The following TANK variants were observed in gnomAD, a reference collection of about 807,000 sequenced individuals.
TANK encodes TRAF family member associated NFKB activator, also known as TRAF family member-associated NF-kappa-B activator.
In TANK, 15 loss-of-function variants were observed where a neutral mutation model predicts 43.6. The observed-to-expected ratio is 0.34, with a 90% CI of 0.23 to 0.53. TANK has a LOEUF of 0.53. Ranked by LOEUF, TANK falls within the 20% of genes least tolerant of loss-of-function variation. The pLI, the probability that TANK is intolerant of heterozygous loss-of-function variation, is 0.94. For missense variants in TANK, 417 were observed against 498.6 expected (o/e 0.84, Z 1.56); for synonymous variants, 162 against 178.2 (o/e 0.91, Z 0.73).
At chr2:161,183,141 A>G (rs1685505416) in intron 2 of TANK, among the ~76,000 whole-genome samples, 2 of 152,206 alleles carry the variant, frequency 1.3e-5, no homozygotes, top group African/African-American at 4.8e-5. Flanking sequence ...TGATAAATCT[A>G]TAAAACTAGC....
intron 1 of TANK, among the ~76,000 whole-genome samples, chr2:161,145,860 T>A (rs1683896010): frequency 6.6e-6 from 1 of 151,928 alleles, no homozygotes; most frequent in Non-Finnish European, 1.5e-5. Context: ...TGAATTTGAA[T>A]GTTGGCCTGT....
At chr2:161,154,138 G>A (rs1183144709) in intron 1 of TANK, among the ~76,000 whole-genome samples, 1 of 152,158 alleles carries the variant, frequency 6.6e-6, no homozygotes, top group Non-Finnish European at 1.5e-5. Flanking sequence ...GGGTAAAATA[G>A]GAGCCCACAG....
rs768220377 is a variant in TANK at position 161,231,108 on chromosome 2, G to T, written c.658G>T (p.Asp220Tyr). ...TSVTPRGLCR[D>Y]EEDTSFESLS... ...TGTCACACCAAGAGGACTGTGCAGAGATGAGGAAGACACCTCTTTTGAATC... is the reference window on the plus strand; with the variant it reads ...TGTCACACCAAGAGGACTGTGCAGATATGAGGAAGACACCTCTTTTGAATC... Residue 220 changes from aspartate (D) to tyrosine (Y), a missense_variant, in exon 7 of 8, where the codon GAT becomes TAT. Transcript: ENST00000392749. The T allele has an allele frequency of 1.7e-5, 28 of 1,614,010 alleles. No individual in the cohort carries two copies. Among genetic ancestry groups the T allele is most frequent in the Admixed American group, 3.3e-5 (2 of 60,000 alleles).
chr2:161,226,394 G>C (rs1687615732), intron 6 of TANK, among the ~76,000 whole-genome samples: 1 of 151,938 alleles, frequency 6.6e-6, no homozygotes, highest in Admixed American at 6.6e-5. Context: ...AGTTTTGCTG[G>C]GGTCCAAAGA....
At chr2:161,151,237 T>C (rs1267067) in intron 1 of TANK, among the ~76,000 whole-genome samples, 40,285 of 152,158 alleles carry the variant, frequency 0.26, 5,704 homozygotes, top group East Asian at 0.4. Flanking sequence ...TTGAGAAGAA[T>C]GTATATTCAG....
chr2:161,156,294 T>C, upstream of TANK: 4 of 985,478 alleles, frequency 4.1e-6, no homozygotes, highest in Non-Finnish European at 4.8e-6. Flanking sequence ...TCTTTGATTA[T>C]GTCCAAATTA....
At chr2:161,192,500 T>A (rs1318242393) in intron 2 of TANK, among the ~76,000 whole-genome samples, 1 of 152,234 alleles carries the variant, frequency 6.6e-6, no homozygotes, top group Non-Finnish European at 1.5e-5. Context: ...TCCATTGTTA[T>A]GCCTAGGCCC....
In TANK at chr2:161,235,473, G is replaced by T; in HGVS notation, c.1233G>T (p.Gly411=). Reference sequence around the variant, plus strand: ...TCCCACCATCCATTACATCCAGGGGGGATTTCCTTCGGCATCTTAATTCAC... The same window carrying T: ...TCCCACCATCCATTACATCCAGGGGTGATTTCCTTCGGCATCTTAATTCAC... ...AVFPPSITSR[G]DFLRHLNSHF... is the part of the protein sequence containing the mutation. The change falls in exon 8 of 8, where the codon GGG becomes GGT. Residue 411 remains glycine, a synonymous_variant. Transcript: ENST00000392749. 2.5e-6 allele frequency: 4 copies of T among 1,613,338 alleles called. No homozygotes were observed. Among genetic ancestry groups the T allele is most frequent in the Admixed American group, 1.7e-5 (1 of 59,924 alleles).
chr2:161,221,139 G>A (rs1286067932), intron 4 of TANK, among the ~76,000 whole-genome samples: 1 of 152,180 alleles, frequency 6.6e-6, no homozygotes, highest in Non-Finnish European at 1.5e-5. Flanking sequence ...CATACTGGAA[G>A]TGTATATGAA....
At chr2:161,198,678 A>T (rs1297086137) in intron 2 of TANK, among the ~76,000 whole-genome samples, 1 of 152,350 alleles carries the variant, frequency 6.6e-6, no homozygotes, top group East Asian at 1.9e-4. Flanking sequence ...TATAATTTTC[A>T]TTTACAGAGG....
intron 6 of TANK, among the ~76,000 whole-genome samples, chr2:161,227,343 G>A (rs1463929147): frequency 6.6e-6 from 1 of 152,150 alleles, no homozygotes; most frequent in Non-Finnish European, 1.5e-5. Flanking sequence ...ATAATTCAAA[G>A]CACATTTCTG....
chr2:161,156,163 T>C (rs1684221271), upstream of TANK: 5 of 985,324 alleles, frequency 5.1e-6, no homozygotes, highest in Admixed American at 2.5e-4. Context: ...AGTTGGGGCA[T>C]AATCTTTCTA....
intron 4 of TANK, chr2:161,222,728 C>T (rs1687410513): frequency 6.6e-6 from 1 of 151,942 alleles, no homozygotes; most frequent in Admixed American, 6.6e-5. Context: ...TATGCAGCAA[C>T]AAAATAATCT....
At chr2:161,195,835 CT>C in intron 2 of TANK, among the ~76,000 whole-genome samples, 1 of 152,176 alleles carries the variant, frequency 6.6e-6, no homozygotes, top group East Asian at 1.9e-4. Context: ...AATACTAGCA[CT>C]TTTTTTGGGA....
At position 161,203,733 on chromosome 2, in the gene TANK, G is replaced by A. The variant is rs571899228; in HGVS notation, c.208+138G>A. ...TAACTGTGGTACAGTTATATGTTAT[G>A]TTTATTTAAATGAACACTTGCAGGA... On this transcript the variant is annotated intron_variant, in intron 3 of 7. Transcript: ENST00000392749. The A allele has an allele frequency of 7.0e-6, 4 of 572,084 alleles. No homozygotes were observed. In the South Asian group the frequency reaches 7.4e-5, roughly 11 times the overall value. The allele number at this position is 572,084 out of a possible 1,614,324, so 35.4% of individuals were successfully genotyped here. A position where few individuals can be genotyped will look rare whatever the true frequency, so the allele number is the denominator to read the frequency against.
intron 1 of TANK, among the ~76,000 whole-genome samples, chr2:161,171,801 T>A (rs1401534428): frequency 1.3e-5 from 2 of 152,158 alleles, no homozygotes; most frequent in Non-Finnish European, 2.9e-5. Context: ...TTTAACTACT[T>A]CTCTTTCGAA....
chr2:161,142,303 T>A (rs549108902), intron 1 of TANK, among the ~76,000 whole-genome samples: 79 of 152,230 alleles, frequency 5.2e-4, no homozygotes, highest in Admixed American at 2.7e-3. Context: ...TAATTTCTTT[T>A]GCTGTGCAGA....
chr2:161,222,907 AAAAC>A (rs1687421048), intron 4 of TANK: 1 of 152,052 alleles, frequency 6.6e-6, no homozygotes, highest in Admixed American at 6.6e-5. Flanking sequence ...AATTTTAAGA[AAAAC>A]AAACTGAAAT....
chr2:161,208,227 G>A (rs947806000), intron 4 of TANK: 2 of 985,186 alleles, frequency 2.0e-6, no homozygotes, highest in African/African-American at 3.5e-5. Flanking sequence ...AGAGGCAAGA[G>A]GGATATTTGA....
Sources: gnomAD v4.1 joint callset for allele counts (sites outside exome capture counted in the v4.1 genomes callset) on GRCh38, gnomAD v4.1.1 for gene constraint, MANE v1.5 for transcripts, NCBI Gene and HGNC (gene_info 2026-07-23, HGNC 2026-07-21) for gene names.